The following PCDH9 variants were observed in gnomAD, a reference collection of about 807,000 sequenced individuals.
The protein encoded by PCDH9 is protocadherin-9.
PCDH9 carries 24 observed loss-of-function variants against 70.6 expected under a neutral mutation model. The observed-to-expected ratio is 0.34, with a 90% confidence interval of 0.25 to 0.48. The LOEUF is 0.48. Ranked by LOEUF, PCDH9 falls within the 20% of genes least tolerant of loss-of-function variation. The pLI, the probability that PCDH9 is intolerant of heterozygous loss-of-function variation, is 0.99. For missense variants in PCDH9, 1,281 were observed against 1,503.6 expected, an observed-to-expected ratio of 0.85 and a Z score of 2.45; for synonymous variants, 562 against 558.5, an observed-to-expected ratio of 1.01 and a Z score of -0.09.
intron 3 of PCDH9, among the ~76,000 whole-genome samples, chr13:66,714,022 T>C (rs879710463): frequency 7.2e-5 from 11 of 152,294 alleles, no homozygotes; most frequent in South Asian, 6.2e-4. Flanking sequence ...CTATAATTTA[T>C]TCTTAATGTA....
chr13:66,831,344 G>T (rs2080922020), intron 3 of PCDH9, among the ~76,000 whole-genome samples: 9 of 152,080 alleles, frequency 5.9e-5, no homozygotes, highest in Admixed American at 5.9e-4. Context: ...GTGGCTTCTG[G>T]ACACCAATCT....
intron 3 of PCDH9, among the ~76,000 whole-genome samples, chr13:66,709,152 A>G (rs1425115006): frequency 2.0e-5 from 3 of 152,118 alleles, no homozygotes; most frequent in East Asian, 1.9e-4. Flanking sequence ...GGTTTTTCCA[A>G]TTCACTGGAA....
At chr13:66,527,433 G>C (rs2138624444) in intron 4 of PCDH9, among the ~76,000 whole-genome samples, 1 of 152,074 alleles carries the variant, frequency 6.6e-6, no homozygotes, top group East Asian at 1.9e-4. Flanking sequence ...TTCTTTCTCT[G>C]TATTCATCTT....
intron 2 of PCDH9, among the ~76,000 whole-genome samples, chr13:67,112,161 A>G (rs978708300): frequency 2.0e-5 from 3 of 152,064 alleles, no homozygotes; most frequent in Non-Finnish European, 1.5e-5. Context: ...TACTCCTTAC[A>G]ATGACATGTT....
intron 4 of PCDH9, among the ~76,000 whole-genome samples, chr13:66,372,792 C>T (rs1179101076): frequency 1.3e-5 from 2 of 151,716 alleles, no homozygotes; most frequent in Non-Finnish European, 2.9e-5. Context: ...AATATGATCA[C>T]TGATTGGACA....
intron 4 of PCDH9, among the ~76,000 whole-genome samples, chr13:66,551,397 C>T (rs995962089): frequency 2.0e-5 from 3 of 152,114 alleles, no homozygotes; most frequent in African/African-American, 7.2e-5. Flanking sequence ...TGCTGTTCCT[C>T]AGCTTTCTCT....
chr13:67,062,588 C>T (rs548696668), intron 2 of PCDH9, among the ~76,000 whole-genome samples: 1 of 152,260 alleles, frequency 6.6e-6, no homozygotes, highest in East Asian at 1.9e-4. Context: ...TCATCAGGAA[C>T]TATGAACAAT....
At chr13:66,836,144 T>A (rs2081013423) in intron 3 of PCDH9, among the ~76,000 whole-genome samples, 1 of 152,088 alleles carries the variant, frequency 6.6e-6, no homozygotes, top group Non-Finnish European at 1.5e-5. Flanking sequence ...TGAAATAAAG[T>A]GTATATTTGT....
intron 3 of PCDH9, among the ~76,000 whole-genome samples, chr13:66,655,019 C>A (rs1248295878): frequency 1.3e-5 from 2 of 152,020 alleles, no homozygotes; most frequent in Non-Finnish European, 2.9e-5. Flanking sequence ...AGCCACCATA[C>A]CCTGTGGCAT....
At chr13:67,096,790 G>A (rs1336690640) in intron 2 of PCDH9, among the ~76,000 whole-genome samples, 1 of 152,106 alleles carries the variant, frequency 6.6e-6, no homozygotes, top group Admixed American at 6.6e-5. Flanking sequence ...AACTGCATGT[G>A]TGAGGGCGAG....
At chr13:66,727,391 T>C (rs1042742061) in intron 3 of PCDH9, among the ~76,000 whole-genome samples, 1 of 152,204 alleles carries the variant, frequency 6.6e-6, no homozygotes, top group African/African-American at 2.4e-5. Flanking sequence ...TGCTTAATAA[T>C]GAAATTTAAG....
At chr13:67,169,028 C>T (rs962572024) in intron 2 of PCDH9, among the ~76,000 whole-genome samples, 5 of 152,194 alleles carry the variant, frequency 3.3e-5, no homozygotes, top group African/African-American at 1.2e-4. Context: ...GTACTCTTCT[C>T]ACTTACATAT....
intron 2 of PCDH9, among the ~76,000 whole-genome samples, chr13:67,034,449 C>A (rs1368633782): frequency 6.6e-6 from 1 of 152,084 alleles, no homozygotes; most frequent in African/African-American, 2.4e-5. Flanking sequence ...TACTAAAGAC[C>A]TCTTAGAGTC....
intron 2 of PCDH9, among the ~76,000 whole-genome samples, chr13:66,944,878 C>CACTCCAATTTAAGATAAGCAAA (rs1304962720): frequency 6.7e-6 from 1 of 149,254 alleles, no homozygotes; most frequent in Admixed American, 6.6e-5. Context: ...ATCCCTCCCA[C>CACTCCAATTTAAGATAAGCAAA]ACTCCAATTT....
In PCDH9 at chr13:67,159,151, G is replaced by C. The variant is rs142085143; in HGVS notation, c.3036+66254C>G. On this transcript the variant is annotated intron_variant, in intron 2 of 4. Transcript: ENST00000377865. ...GAGATCCTGCAACTGGATATTGTTG[G>C]CAAGAAGGGAGAGATTTGAGTGGGA... is the stretch of plus-strand genomic sequence containing the variant. Among the ~76,000 whole-genome samples the C allele has an allele frequency of 2.2e-4, 33 of 152,278 alleles. No individual in the cohort carries two copies. In the East Asian group the frequency reaches 5.6e-3, roughly 26 times the overall value.
intron 4 of PCDH9, among the ~76,000 whole-genome samples, chr13:66,545,643 T>G (rs1253165259): frequency 1.3e-5 from 2 of 152,118 alleles, no homozygotes; most frequent in African/African-American, 4.8e-5. Context: ...TGTAGTTCAA[T>G]GCCTTATTCA....
Position 66,542,693 on chromosome 13 carries a change from A to T in PCDH9, c.3340+88517T>A, listed in dbSNP as rs1258663432. Among the ~76,000 whole-genome samples, 9 of 145,164 alleles carry T rather than the reference A, an allele frequency of 6.2e-5. 1 individual carries two copies. Among genetic ancestry groups the T allele is most frequent in the Non-Finnish European group, 4.5e-5 (3 of 66,518 alleles). On this transcript the variant is annotated intron_variant, in intron 4 of 4. Transcript: ENST00000377865. Reference sequence around the variant, plus strand: ...ATATATTTAAATATATATATGTTTAAATATATATATATAAAAACATATATA... The same window carrying T: ...ATATATTTAAATATATATATGTTTATATATATATATATAAAAACATATATA...
intron 4 of PCDH9, among the ~76,000 whole-genome samples, chr13:66,423,977 G>T (rs1035884308): frequency 2.6e-5 from 4 of 152,178 alleles, no homozygotes; most frequent in Non-Finnish European, 5.9e-5. Flanking sequence ...CTTCAGCAAA[G>T]TCTCAGGATA....
At chr13:67,224,696 C>A (rs2089809016) in intron 2 of PCDH9, 1 of 429,250 alleles carries the variant, frequency 2.3e-6, no homozygotes, top group Non-Finnish European at 3.1e-6. Flanking sequence ...TCATTCTTTT[C>A]TTTTTAAATC....
Sources: gnomAD v4.1 joint callset for allele counts (sites outside exome capture counted in the v4.1 genomes callset) on GRCh38, gnomAD v4.1.1 for gene constraint, MANE v1.5 for transcripts, NCBI Gene and HGNC (gene_info 2026-07-23, HGNC 2026-07-21) for gene names.